Variants in NR3C2 observed in about 807,000 individuals in gnomAD.
The protein encoded by NR3C2 is nuclear receptor subfamily 3 group C member 2.
In NR3C2, 15 loss-of-function variants were observed where a neutral mutation model predicts 86.4. The observed-to-expected ratio is 0.17, with a 90% CI of 0.12 to 0.27. NR3C2 has a LOEUF of 0.27. NR3C2 is among the 10% of genes least tolerant of loss of function. NR3C2 has a pLI of 1.00. For synonymous variants in NR3C2, 458 were observed against 450.5 expected (o/e 1.02, Z -0.21); for missense variants, 960 against 1,195.6 (o/e 0.80, Z 2.91).
chr4:148,108,323 T>G (rs1459167276), intron 8 of NR3C2, among the ~76,000 whole-genome samples: 1 of 152,118 alleles, frequency 6.6e-6, no homozygotes, highest in African/African-American at 2.4e-5. Context: ...GGCTGGTCTC[T>G]AACTCCTCAC....
intron 2 of NR3C2, among the ~76,000 whole-genome samples, chr4:148,305,331 A>T (rs1241578668): frequency 6.6e-6 from 1 of 152,150 alleles, no homozygotes; most frequent in Non-Finnish European, 1.5e-5. Flanking sequence ...TCTTTTAAAG[A>T]CAGTGAAAAA....
intron 8 of NR3C2, among the ~76,000 whole-genome samples, chr4:148,081,990 A>G (rs1730584818): frequency 6.6e-6 from 1 of 152,158 alleles, no homozygotes; most frequent in South Asian, 2.1e-4. Context: ...GTGTTCCCCT[A>G]ACTGGGCCCG....
At chr4:148,336,473 T>C (rs1259570145) in intron 2 of NR3C2, among the ~76,000 whole-genome samples, 1 of 152,050 alleles carries the variant, frequency 6.6e-6, no homozygotes, top group African/African-American at 2.4e-5. Flanking sequence ...CTTGGATAAA[T>C]GGGAACTTGG....
At chr4:148,228,370 A>G (rs1430809869) in intron 3 of NR3C2, among the ~76,000 whole-genome samples, 1 of 152,170 alleles carries the variant, frequency 6.6e-6, no homozygotes, top group Non-Finnish European at 1.5e-5. Flanking sequence ...ATTCTTTTAT[A>G]AAGCTGCACA....
chr4:148,107,342 A>T (rs371706411), intron 8 of NR3C2, among the ~76,000 whole-genome samples: 2 of 152,218 alleles, frequency 1.3e-5, no homozygotes, highest in South Asian at 4.1e-4. Flanking sequence ...AAAGTCAGGA[A>T]ACAATAAATG....
intron 2 of NR3C2, among the ~76,000 whole-genome samples, chr4:148,414,704 ATACTGATGT>A (rs1316124097): frequency 6.6e-6 from 1 of 152,230 alleles, no homozygotes; most frequent in Non-Finnish European, 1.5e-5. Flanking sequence ...TTTGTCACTT[ATACTGATGT>A]TAGACGTGAG....
chr4:148,234,025 T>A (rs750623141), intron 3 of NR3C2, among the ~76,000 whole-genome samples: 42 of 152,130 alleles, frequency 2.8e-4, no homozygotes, highest in South Asian at 6.2e-4. Flanking sequence ...ATAAACAAAG[T>A]ATAATAAACT....
chr4:148,246,621 G>A lies in NR3C2; in HGVS notation c.1897+13357C>T, dbSNP rs919685532. Among the ~76,000 whole-genome samples the A allele has an allele frequency of 2.6e-5, 4 of 152,056 alleles. No individual in the cohort carries two copies. The South Asian group carries it at 6.2e-4, about 24-fold the overall frequency. On this transcript the variant is annotated intron_variant, in intron 3 of 8. Coordinates refer to ENST00000358102, the MANE Select transcript of NR3C2 (RefSeq NM_000901.5). ...GGCTGGAGTGCAACGGCATGATCTC[G>A]GCTCACCGCAACCTCTGTCTCCCGG...
At chr4:148,372,929 A>G (rs1746491113) in intron 2 of NR3C2, among the ~76,000 whole-genome samples, 5 of 152,206 alleles carry the variant, frequency 3.3e-5, no homozygotes, top group African/African-American at 9.7e-5. Flanking sequence ...ACTGCTTGAA[A>G]TTGAAAGATG....
At position 148,120,184 on chromosome 4, in the gene NR3C2, A is replaced by G; in HGVS notation, c.2615T>C (p.Met872Thr). 6.2e-7 allele frequency: 1 copy of G among 1,614,184 alleles called. No individual in the cohort carries two copies. Among genetic ancestry groups the G allele is most frequent in the African/African-American group, 1.3e-5 (1 of 75,054 alleles). Residue 872 changes from methionine (M) to threonine (T), a missense_variant, in exon 7 of 9, where the codon ATG becomes ACG. This residue lies in a region of NR3C2 where 151 missense variants were observed against 296.3 expected (regional missense o/e 0.51). Transcript: ENST00000358102. Reference protein sequence around the residue: ...LQLTFEEYTIMKVLLLLSTIP... With the variant: ...LQLTFEEYTITKVLLLLSTIP... The stretch of plus-strand genomic sequence containing the variant: ...TGTGCTTAGTAGCAGCAAAACTTTC[A>G]TGATGGTGTATTCTTCAAAGGTGAG...
At chr4:148,347,940 CT>C (rs1439725565) in intron 2 of NR3C2, among the ~76,000 whole-genome samples, 1 of 152,102 alleles carries the variant, frequency 6.6e-6, no homozygotes, top group Non-Finnish European at 1.5e-5. Flanking sequence ...TAGGCCACCC[CT>C]GTTTGCCTAT....
At chr4:148,089,411 T>A (rs1484315291) in intron 8 of NR3C2, among the ~76,000 whole-genome samples, 2 of 152,212 alleles carry the variant, frequency 1.3e-5, no homozygotes, top group East Asian at 3.9e-4. Context: ...CAGAGTTGTT[T>A]CAGAGGAATG....
At chr4:148,125,317 T>C (rs1210585772) in intron 6 of NR3C2, among the ~76,000 whole-genome samples, 1 of 152,256 alleles carries the variant, frequency 6.6e-6, no homozygotes, top group Non-Finnish European at 1.5e-5. Flanking sequence ...TTTAGTTTTA[T>C]TGTCCTTGTT....
At chr4:148,253,540 A>C (rs1238872002) in intron 3 of NR3C2, among the ~76,000 whole-genome samples, 1 of 152,100 alleles carries the variant, frequency 6.6e-6, no homozygotes, top group Non-Finnish European at 1.5e-5. Flanking sequence ...CTGAATACTG[A>C]TTTCTTGGCC....
intron 8 of NR3C2, among the ~76,000 whole-genome samples, chr4:148,096,339 T>C (rs1731275511): frequency 6.6e-6 from 1 of 152,214 alleles, no homozygotes; most frequent in African/African-American, 2.4e-5. Flanking sequence ...CCTAGATCCT[T>C]CTTGCAAATG....
intron 2 of NR3C2, among the ~76,000 whole-genome samples, chr4:148,422,326 A>C (rs934162856): frequency 6.6e-6 from 1 of 151,944 alleles, no homozygotes; most frequent in Non-Finnish European, 1.5e-5. Context: ...AAAAAAAAAA[A>C]CACCTTTGTA....
chr4:148,329,974 C>G lies in NR3C2; in HGVS notation c.1758-69857G>C, dbSNP rs149784386. On this transcript the variant is annotated intron_variant, in intron 2 of 8. Coordinates refer to ENST00000358102, the MANE Select transcript of NR3C2 (RefSeq NM_000901.5). ...TGTCTGGCCAATGATCCCCTGGTAT[C>G]TATTTCTGACCAGCCAGGGAGGCTG... 8.5e-5 allele frequency among the ~76,000 whole-genome samples: 13 copies of G among 152,268 alleles called. 1 individual carries two copies. Among genetic ancestry groups the G allele is most frequent in the African/African-American group, 3.1e-4 (13 of 41,556 alleles).
chr4:148,310,732 A>G (rs1742863865), intron 2 of NR3C2, among the ~76,000 whole-genome samples: 1 of 152,206 alleles, frequency 6.6e-6, no homozygotes, highest in African/African-American at 2.4e-5. Flanking sequence ...GTTAATTTCT[A>G]TCAGCATATG....
At chr4:148,214,982 CA>C (rs1737456829) in intron 3 of NR3C2, among the ~76,000 whole-genome samples, 2 of 148,626 alleles carry the variant, frequency 1.3e-5, no homozygotes, top group African/African-American at 5.0e-5. Context: ...GGGCTGCGTG[CA>C]GCCTTCAACA....
Sources: allele counts gnomAD v4.1 joint callset (sites outside exome capture counted in the v4.1 genomes callset), GRCh38; gene constraint gnomAD v4.1.1; regional missense constraint gnomAD v4.1.1; transcripts MANE v1.5; gene names NCBI Gene and HGNC (gene_info 2026-07-23, HGNC 2026-07-21).